Variants in PARP8 observed in about 807,000 individuals in gnomAD.
PARP8 encodes the protein protein mono-ADP-ribosyltransferase PARP8.
PARP8 carries 51 observed loss-of-function variants against 124.1 expected under a neutral mutation model. That is an observed-to-expected ratio of 0.41 (90% confidence interval 0.33 to 0.52). The LOEUF (loss-of-function observed/expected upper bound fraction) is 0.52, where lower values mean the gene tolerates loss of function less well. Among genes scored for constraint, PARP8 ranks in the 20% least tolerant of loss-of-function variants. The pLI, the probability that PARP8 is intolerant of heterozygous loss-of-function variation, is 0.21. For missense variants in PARP8, 860 were observed against 1,018.9 expected (o/e 0.84, Z 2.12); for synonymous variants, 391 against 361.5 (o/e 1.08, Z -0.93).
At chr5:50,717,264 A>G (rs1282939061) in intron 2 of PARP8, among the ~76,000 whole-genome samples, 1 of 151,928 alleles carries the variant, frequency 6.6e-6, no homozygotes, top group Admixed American at 6.6e-5. Context: ...AGTTGGGGTT[A>G]AAAAAAGGGG....
intron 2 of PARP8, among the ~76,000 whole-genome samples, chr5:50,708,901 C>G (rs1285691394): frequency 6.6e-6 from 1 of 151,978 alleles, no homozygotes; most frequent in East Asian, 1.9e-4. Context: ...CCTGCTTCAG[C>G]CTCCCAAGTA....
intron 2 of PARP8, among the ~76,000 whole-genome samples, chr5:50,722,494 C>T (rs1339372156): frequency 6.6e-6 from 1 of 151,944 alleles, no homozygotes; most frequent in African/African-American, 2.4e-5. Flanking sequence ...GGAGCTGAGT[C>T]CCCCACTCTT....
intron 2 of PARP8, among the ~76,000 whole-genome samples, chr5:50,737,960 A>T (rs1355975748): frequency 2.0e-5 from 3 of 152,222 alleles, no homozygotes; most frequent in African/African-American, 7.2e-5. Context: ...ATTATACTTT[A>T]CACAATCTTA....
chr5:50,796,916 A>G, intron 12 of PARP8, 66 bp from the exon 13 acceptor site: 2 of 1,351,506 alleles, frequency 1.5e-6, no homozygotes, highest in African/African-American at 1.5e-5. Context: ...AAAGAGTAAA[A>G]GCCTGTAATT....
intron 9 of PARP8, among the ~76,000 whole-genome samples, chr5:50,784,775 T>G (rs1355546335): frequency 6.6e-6 from 1 of 152,226 alleles, no homozygotes; most frequent in African/African-American, 2.4e-5. Context: ...TGTTGTTGTT[T>G]TTTGTTTGCT....
At position 50,787,959 on chromosome 5, in the gene PARP8, CAT is replaced by C. The variant is rs562679091; in HGVS notation, c.671-554_671-553del. The stretch of plus-strand genomic sequence containing the variant: ...ATATATATACACACACATATATACA[CAT>C]ATATATATACCTGGTAAAAGTACGA... On this transcript the variant is annotated intron_variant, in intron 9 of 25. Coordinates refer to ENST00000281631, the MANE Select transcript of PARP8 (RefSeq NM_024615.4). 5.6e-3 allele frequency among the ~76,000 whole-genome samples: 827 copies of C among 148,648 alleles called. 7 individuals are homozygous for C. The highest frequency in any genetic ancestry group is 0.019 in the African/African-American group (773 of 40,568).
At chr5:50,685,640 A>G (rs1432910836) in intron 2 of PARP8, among the ~76,000 whole-genome samples, 5 of 152,202 alleles carry the variant, frequency 3.3e-5, no homozygotes, top group Non-Finnish European at 5.9e-5. Flanking sequence ...TCTGTAGCCC[A>G]AGCTGGAGTA....
intron 17 of PARP8, among the ~76,000 whole-genome samples, chr5:50,824,236 G>A (rs1333105774): frequency 6.6e-6 from 1 of 152,166 alleles, no homozygotes; most frequent in Non-Finnish European, 1.5e-5. Context: ...GCCCTCACAA[G>A]CTTTGCTTTC....
chr5:50,772,626 T>C (rs1318696011), intron 7 of PARP8, among the ~76,000 whole-genome samples: 3 of 152,248 alleles, frequency 2.0e-5, no homozygotes, highest in Non-Finnish European at 1.5e-5. Flanking sequence ...TTTTTTCATG[T>C]ACCTGTTGGC....
chr5:50,746,920 C>G (rs1340377695), intron 2 of PARP8, among the ~76,000 whole-genome samples: 1 of 151,770 alleles, frequency 6.6e-6, no homozygotes, highest in African/African-American at 2.4e-5. Flanking sequence ...TCCAATCTAC[C>G]CAGGAGGCTG....
At chr5:50,833,743 A>C (rs1747252956) in intron 23 of PARP8, among the ~76,000 whole-genome samples, 1 of 152,152 alleles carries the variant, frequency 6.6e-6, no homozygotes, top group African/African-American at 2.4e-5. Context: ...AGATTATTGA[A>C]CCCTAATTTA....
intron 2 of PARP8, among the ~76,000 whole-genome samples, chr5:50,746,014 C>T (rs190349317): frequency 1.4e-4 from 21 of 152,224 alleles, no homozygotes; most frequent in African/African-American, 4.8e-4. Context: ...GCCATTTGTT[C>T]CTGCATTCTT....
chr5:50,760,223 AAC>A (rs1335948788), intron 4 of PARP8, 67 bp from the exon 5 acceptor site: 2 of 1,299,592 alleles, frequency 1.5e-6, no homozygotes, highest in Non-Finnish European at 2.0e-6. Context: ...TTTATACCAA[AAC>A]TTATGAATGC....
intron 2 of PARP8, among the ~76,000 whole-genome samples, chr5:50,671,371 A>T (rs2149431593): frequency 6.6e-6 from 1 of 152,306 alleles, no homozygotes; most frequent in African/African-American, 2.4e-5. Context: ...AAAGCCAAGG[A>T]GAGAGCAAGT....
At chr5:50,747,154 G>GTTTTTT (rs370243477) in intron 2 of PARP8, among the ~76,000 whole-genome samples, 23 of 121,872 alleles carry the variant, frequency 1.9e-4, no homozygotes, top group Middle Eastern at 4.7e-3. Context: ...TTTTTTGTTT[G>GTTTTTT]TTTGTTTTGT....
At chr5:50,768,960 A>T (rs1761324403) in intron 7 of PARP8, among the ~76,000 whole-genome samples, 1 of 152,226 alleles carries the variant, frequency 6.6e-6, no homozygotes, top group Non-Finnish European at 1.5e-5. Flanking sequence ...CTATTTATAG[A>T]TCTACACCTG....
intron 2 of PARP8, among the ~76,000 whole-genome samples, chr5:50,684,733 T>A (rs941868164): frequency 6.6e-6 from 1 of 152,186 alleles, no homozygotes; most frequent in Non-Finnish European, 1.5e-5. Flanking sequence ...CTTTAAAAAA[T>A]AATTATCAGG....
chr5:50,739,437 TCTC>T (rs1291918627), intron 2 of PARP8, among the ~76,000 whole-genome samples: 2 of 151,970 alleles, frequency 1.3e-5, no homozygotes, highest in African/African-American at 2.4e-5. Context: ...TTTTTGATCA[TCTC>T]CTCTCGCTAC....
intron 7 of PARP8, among the ~76,000 whole-genome samples, chr5:50,776,890 G>C (rs1399801675): frequency 1.3e-5 from 2 of 152,144 alleles, no homozygotes; most frequent in Non-Finnish European, 2.9e-5. Flanking sequence ...CACAGTTTTA[G>C]AGTTGGACAT....
Sources: allele counts gnomAD v4.1 joint callset (sites outside exome capture counted in the v4.1 genomes callset), GRCh38; gene constraint gnomAD v4.1.1; transcripts MANE v1.5; gene names NCBI Gene and HGNC (gene_info 2026-07-23, HGNC 2026-07-21).